LPP: variants seen among roughly 807,000 people sequenced by gnomAD.
LPP encodes lipoma-preferred partner.
In LPP, 38 loss-of-function variants were observed where a neutral mutation model predicts 60.4. That is an observed-to-expected ratio of 0.63 (90% CI 0.49 to 0.83). LPP has a LOEUF of 0.83. LPP is among the 40% of genes least tolerant of loss of function. The pLI, the probability that LPP is intolerant of heterozygous loss-of-function variation, is 0.00. For synonymous variants in LPP, 328 were observed against 290.8 expected (o/e 1.13, Z -1.30); for missense variants, 902 against 783.6 (o/e 1.15, Z -1.80).
At chr3:188,360,037 A>T (rs1056217259) in intron 3 of LPP, among the ~76,000 whole-genome samples, 1 of 152,038 alleles carries the variant, frequency 6.6e-6, no homozygotes, top group Non-Finnish European at 1.5e-5. Context: ...TTTTCAACCC[A>T]TTATTTTAGA....
chr3:188,420,459 T>C (rs993974684), intron 4 of LPP, among the ~76,000 whole-genome samples: 10 of 152,188 alleles, frequency 6.6e-5, no homozygotes, highest in African/African-American at 1.4e-4. Flanking sequence ...AAAATGTCAG[T>C]TGCTACAGAG....
chr3:188,480,366 G>A (rs1269090681), intron 4 of LPP, among the ~76,000 whole-genome samples: 1 of 152,194 alleles, frequency 6.6e-6, no homozygotes, highest in Admixed American at 6.5e-5. Flanking sequence ...TTCACATGGA[G>A]CAAATCAAGC....
chr3:188,307,486 A>G (rs1486483997), intron 2 of LPP, among the ~76,000 whole-genome samples: 1 of 152,112 alleles, frequency 6.6e-6, no homozygotes, highest in Non-Finnish European at 1.5e-5. Context: ...GGCACTACCT[A>G]TCTCCTGTAC....
chr3:188,770,350 T>TCC (rs1560181830), intron 9 of LPP, among the ~76,000 whole-genome samples: 4 of 146,478 alleles, frequency 2.7e-5, no homozygotes, highest in Non-Finnish European at 6.0e-5. Flanking sequence ...AGCTATTTTT[T>TCC]TTTTTTTTTT....
At chr3:188,307,900 C>T (rs1298500963) in intron 2 of LPP, among the ~76,000 whole-genome samples, 1 of 152,126 alleles carries the variant, frequency 6.6e-6, no homozygotes, top group East Asian at 1.9e-4. Flanking sequence ...TGGTCACCTG[C>T]ACTACTACAC....
At chr3:188,319,821 A>G (rs1756411086) in intron 2 of LPP, among the ~76,000 whole-genome samples, 1 of 152,204 alleles carries the variant, frequency 6.6e-6, no homozygotes, top group African/African-American at 2.4e-5. Context: ...GCAGTTTTCC[A>G]GTTTTTCCAC....
intron 7 of LPP, among the ~76,000 whole-genome samples, chr3:188,669,808 G>T (rs1326225290): frequency 1.3e-5 from 2 of 152,164 alleles, no homozygotes; most frequent in African/African-American, 4.8e-5. Flanking sequence ...GCAGACGTAT[G>T]TTTACTGCAG....
Position 188,533,772 on chromosome 3 carries a change from A to G in LPP, c.429+8985A>G, listed in dbSNP as rs116122239. ...AGCCTGTACCCGCCAGAAAACTTCA[A>G]CAGTTAAATAACAATGATTTGGGGG... On this transcript the variant is annotated intron_variant, in intron 6 of 11. Coordinates refer to ENST00000617246, the MANE Select transcript of LPP (RefSeq NM_001375462.1). 1.5e-3 allele frequency among the ~76,000 whole-genome samples: 236 copies of G among 152,318 alleles called. 1 individual carries two copies. Among genetic ancestry groups the G allele is most frequent in the African/African-American group, 5.5e-3 (229 of 41,576 alleles).
intron 1 of LPP, among the ~76,000 whole-genome samples, chr3:188,181,573 A>G (rs1412650923): frequency 6.6e-6 from 1 of 152,194 alleles, no homozygotes; most frequent in Non-Finnish European, 1.5e-5. Context: ...CTGCTTCAAG[A>G]TTCTTTTAAC....
intron 9 of LPP, among the ~76,000 whole-genome samples, chr3:188,862,737 A>G (rs1458801725): frequency 4.1e-5 from 6 of 144,862 alleles, no homozygotes; most frequent in Admixed American, 7.0e-5. Context: ...ATAAATAAAT[A>G]AAAGAAAAAA....
chr3:188,410,182 G>A (rs536515648), intron 4 of LPP, among the ~76,000 whole-genome samples: 16 of 152,314 alleles, frequency 1.1e-4, no homozygotes, highest in African/African-American at 3.6e-4. Flanking sequence ...AGTGTTTGCA[G>A]AACTGAATTA....
intron 4 of LPP, among the ~76,000 whole-genome samples, chr3:188,432,567 GA>G: frequency 6.6e-6 from 1 of 151,906 alleles, no homozygotes; most frequent in East Asian, 1.9e-4. Flanking sequence ...ACGGCAAGAA[GA>G]ATTTTTTTTT....
chr3:188,474,104 A>T lies in LPP; in HGVS notation c.194-10488A>T, dbSNP rs563173729. Among the ~76,000 whole-genome samples the T allele has an allele frequency of 5.3e-5, 8 of 152,336 alleles. No homozygotes were observed. The East Asian group carries it at 9.6e-4, about 18-fold the overall frequency. On this transcript the variant is annotated intron_variant, in intron 4 of 11. Coordinates refer to ENST00000617246, the MANE Select transcript of LPP (RefSeq NM_001375462.1). ...AAAGTGGCAAAGTTGACCATGGGAA[A>T]AGTTCATGTGTTCATTGTCTCAAGA...
intron 9 of LPP, among the ~76,000 whole-genome samples, chr3:188,840,247 G>A (rs139866239): frequency 1.3e-5 from 2 of 152,096 alleles, no homozygotes; most frequent in Admixed American, 6.5e-5. Flanking sequence ...TCTTTGTTCC[G>A]TTTAGAAACC....
intron 8 of LPP, among the ~76,000 whole-genome samples, chr3:188,756,501 T>C (rs1405242198): frequency 6.6e-6 from 1 of 152,192 alleles, no homozygotes; most frequent in Non-Finnish European, 1.5e-5. Flanking sequence ...AGATGGGCCT[T>C]AAGATTGTGG....
chr3:188,609,475 C>G lies in LPP; in HGVS notation c.744C>G (p.Pro248=), dbSNP rs1376880216. ...PSSGQIYGSG[P]QGYNTQPVPV... ...CAGGACAAATTTATGGCTCAGGGCC[C>G]CAGGGCTATAACACTCAGCCAGTTC... The change falls in exon 7 of 12, where the codon CCC becomes CCG. Residue 248 remains proline, a synonymous_variant. Coordinates refer to ENST00000617246, the MANE Select transcript of LPP (RefSeq NM_001375462.1). This position sits in a 1 kb window ranked among gnomAD's most constrained non-coding sequence, Gnocchi z 6.9. The G allele has an allele frequency of 3.7e-6, 6 of 1,614,052 alleles. No homozygotes were observed. Among genetic ancestry groups the G allele is most frequent in the Middle Eastern group, 1.6e-4 (1 of 6,082 alleles).
chr3:188,747,749 C>T (rs1726727767), intron 8 of LPP, among the ~76,000 whole-genome samples: 1 of 152,184 alleles, frequency 6.6e-6, no homozygotes, highest in Admixed American at 6.5e-5. Flanking sequence ...TAACTGTTCC[C>T]TAGACGTCAC....
intron 7 of LPP, among the ~76,000 whole-genome samples, chr3:188,670,172 C>A (rs1053383637): frequency 1.4e-4 from 21 of 152,214 alleles, no homozygotes; most frequent in African/African-American, 5.1e-4. Context: ...TTAATGGGTG[C>A]AGCACACCAG....
intron 7 of LPP, among the ~76,000 whole-genome samples, chr3:188,653,327 T>A (rs1287365172): frequency 6.6e-6 from 1 of 152,234 alleles, no homozygotes; most frequent in African/African-American, 2.4e-5. Flanking sequence ...GTGTAAGTTT[T>A]TGTTATTACT....
Sources: allele counts gnomAD v4.1 joint callset (sites outside exome capture counted in the v4.1 genomes callset), GRCh38; gene constraint gnomAD v4.1.1; non-coding constraint Gnocchi (gnomAD v3.1); transcripts MANE v1.5; gene names NCBI Gene and HGNC (gene_info 2026-07-23, HGNC 2026-07-21).